DOCK11: variants seen among roughly 807,000 people sequenced by gnomAD.
The protein encoded by DOCK11 is dedicator of cytokinesis protein 11.
Under a neutral mutation model 169.1 loss-of-function variants are expected in DOCK11, and 70 were observed. The observed-to-expected ratio is 0.41, with a 90% CI of 0.34 to 0.51. DOCK11 has a LOEUF of 0.51. DOCK11 is among the 20% of genes least tolerant of loss of function. The probability of loss-of-function intolerance (pLI) is 0.10; values close to 1 mark genes in which losing one functional copy is unlikely to be tolerated. For synonymous variants in DOCK11, 529 were observed against 541.3 expected (o/e 0.98, Z 0.32); for missense variants, 1,166 against 1,538.8 (o/e 0.76, Z 4.05).
At chrX:118,543,416 T>A (rs2012107153) in intron 3 of DOCK11, 95 bp from the exon 4 acceptor site, 18 of 702,642 alleles carry the variant, frequency 2.6e-5, no homozygotes, top group Non-Finnish European at 3.9e-5. Context: ...CCAAATGGTT[T>A]TAGAAAGCCT....
In DOCK11 at chrX:118,686,050, C is replaced by A; in HGVS notation, c.*243C>A. 3.5e-6 allele frequency: 1 copy of A among 283,015 alleles called. No individual in the cohort carries two copies. The highest frequency in any genetic ancestry group is 6.2e-6 in the Non-Finnish European group (1 of 162,531). The allele number at this position is 283,015 out of a possible 1,213,427, so 23.3% of individuals were successfully genotyped here. A position where few individuals can be genotyped will look rare whatever the true frequency, so the allele number is the denominator to read the frequency against. Reference sequence around the variant, plus strand: ...AATCTATATGCTGAAAAGTAGAGCTCAAAAACAGTAGTTCAATTTGCTTAA... The same window carrying A: ...AATCTATATGCTGAAAAGTAGAGCTAAAAAACAGTAGTTCAATTTGCTTAA... On this transcript the variant is annotated 3_prime_UTR_variant, in exon 53 of 53. Coordinates refer to ENST00000276202, the MANE Select transcript of DOCK11 (RefSeq NM_144658.4).
rs986516018 is a variant in DOCK11, at chrX:118,641,243, A to G, written c.4198A>G (p.Thr1400Ala). The change falls in exon 39 of 53, where the codon ACA becomes GCA. Residue 1400 changes from threonine to alanine, a missense_variant. Coordinates refer to ENST00000276202, the MANE Select transcript of DOCK11 (RefSeq NM_144658.4). ...CCACCAGGCACTTCTTGAAGGCAAT[A>G]CAGCTACTGAAGTTTCCCTAACAGT... ...IFHQALLEGN[T>A]ATEVSLTVLD... 1 of 1,210,910 alleles carries G rather than the reference A, an allele frequency of 8.3e-7. No individual in the cohort carries two copies.
intron 42 of DOCK11, among the ~76,000 whole-genome samples, chrX:118,654,295 A>G (rs1052019071): frequency 4.5e-5 from 5 of 112,171 alleles, no homozygotes; most frequent in African/African-American, 1.6e-4. Flanking sequence ...AAAACGGCAA[A>G]CAAAGATCAC....
chrX:118,639,326 G>C, intron 37 of DOCK11, 109 bp from the exon 38 acceptor site: 1 of 772,757 alleles, frequency 1.3e-6, no homozygotes, highest in Admixed American at 3.3e-5. Context: ...TAATCCTTGA[G>C]TGTACTACTA....
chrX:118,529,125 C>T (rs1278297831), intron 1 of DOCK11, among the ~76,000 whole-genome samples: 14 of 109,306 alleles, frequency 1.3e-4, no homozygotes, highest in Non-Finnish European at 2.3e-4. Flanking sequence ...GGACTACAGG[C>T]GCGTGCCACC....
At chrX:118,532,269 G>A (rs2011610590) in intron 1 of DOCK11, among the ~76,000 whole-genome samples, 1 of 111,535 alleles carries the variant, frequency 9.0e-6, no homozygotes, top group Non-Finnish European at 1.9e-5. Context: ...GTGAGACATG[G>A]GTTTCTAGAG....
At chrX:118,580,596 C>T (rs1163603360) in intron 14 of DOCK11, among the ~76,000 whole-genome samples, 3 of 112,038 alleles carry the variant, frequency 2.7e-5, no homozygotes, top group Admixed American at 1.9e-4. Context: ...GGATTACAGG[C>T]GTGAGCTACT....
intron 1 of DOCK11, among the ~76,000 whole-genome samples, chrX:118,528,885 G>C (rs2011443353): frequency 9.1e-6 from 1 of 110,478 alleles, no homozygotes; most frequent in African/African-American, 3.3e-5. Flanking sequence ...GTTTGACAAG[G>C]GGAAAGCTAT....
intron 1 of DOCK11, among the ~76,000 whole-genome samples, chrX:118,514,082 G>A (rs1447762459): frequency 9.0e-6 from 1 of 111,241 alleles, no homozygotes; most frequent in African/African-American, 3.3e-5. Flanking sequence ...TCTGCATGCT[G>A]TTCTGGTGAT....
intron 1 of DOCK11, among the ~76,000 whole-genome samples, chrX:118,509,185 C>A (rs1444332088): frequency 8.9e-6 from 1 of 111,773 alleles, no homozygotes; most frequent in Non-Finnish European, 1.9e-5. Context: ...TTGTTGCTGG[C>A]CTTCCTGAGG....
intron 1 of DOCK11, among the ~76,000 whole-genome samples, chrX:118,511,826 C>G (rs1277336566): frequency 8.9e-6 from 1 of 112,069 alleles, no homozygotes; most frequent in Non-Finnish European, 1.9e-5. Context: ...AGACAGATAC[C>G]GTCGTTCAGT....
chrX:118,540,232 A>C (rs184523389), intron 1 of DOCK11, among the ~76,000 whole-genome samples: 1 of 110,925 alleles, frequency 9.0e-6, no homozygotes, highest in Non-Finnish European at 1.9e-5. Flanking sequence ...TGCAATCTGT[A>C]CTAGGAAAAT....
At chrX:118,507,793 G>A (rs748029452) in intron 1 of DOCK11, among the ~76,000 whole-genome samples, 2 of 111,950 alleles carry the variant, frequency 1.8e-5, no homozygotes, top group Non-Finnish European at 3.8e-5. Flanking sequence ...TCTTCTGTAA[G>A]TGGGGAAACA....
chrX:118,676,147 C>T (rs983675746), intron 47 of DOCK11, 98 bp downstream of exon 47: 4 of 524,719 alleles, frequency 7.6e-6, no homozygotes, highest in African/African-American at 7.3e-5. Flanking sequence ...GATAGAGTGC[C>T]TATTACAACA....
Position 118,566,140 on chromosome X carries a change from A to T in DOCK11, c.829A>T (p.Ser277Cys). The change falls in exon 8 of 53, where the codon AGT becomes TGT. Residue 277 changes from serine to cysteine, a missense_variant. By Grantham distance (112) the Ser-to-Cys change is moderately radical. Coordinates refer to ENST00000276202, the MANE Select transcript of DOCK11 (RefSeq NM_144658.4). ...AAAGATTATTCAGATCAACACCGACAGTTTAGTTCAAGAAAAAAAGGAGAC... is the reference window on the plus strand; with the variant it reads ...AAAGATTATTCAGATCAACACCGACTGTTTAGTTCAAGAAAAAAAGGAGAC... ...LKKIIQINTD[S>C]LVQEKKETVE... 1 of 1,206,033 alleles carries T rather than the reference A, an allele frequency of 8.3e-7. No homozygotes were observed. The highest frequency in any genetic ancestry group is 1.1e-6 in the Non-Finnish European group (1 of 893,661).
chrX:118,525,852 C>G (rs1937175), intron 1 of DOCK11, among the ~76,000 whole-genome samples: 1,951 of 111,332 alleles, frequency 0.018, 57 homozygotes, highest in African/African-American at 0.061. Flanking sequence ...CGTAACACCT[C>G]CATTTGGAAT....
intron 1 of DOCK11, among the ~76,000 whole-genome samples, chrX:118,516,004 AATAT>A (rs1191968312): frequency 2.2e-5 from 1 of 44,954 alleles, no homozygotes; most frequent in African/African-American, 1.2e-4. Flanking sequence ...GATTTGGGCA[AATAT>A]ATATATATAT....
chrX:118,496,467 G>A (rs1603011522), intron 1 of DOCK11, among the ~76,000 whole-genome samples: 1 of 112,764 alleles, frequency 8.9e-6, no homozygotes, highest in African/African-American at 3.2e-5. Flanking sequence ...CCCCTCCCGC[G>A]AGCACCTGAG....
Position 118,662,675 on chromosome X carries a change from T to A in DOCK11, c.4970-11T>A, listed in dbSNP as rs757071871. ...CATAAATTCACTCCACTGTTTTTTT[T>A]ATTCACACAGAATTATTTCCTAACG... is the stretch of plus-strand genomic sequence containing the variant. On this transcript the variant is annotated splice_polypyrimidine_tract_variant and intron_variant, in intron 44 of 52. Coordinates refer to ENST00000276202, the MANE Select transcript of DOCK11 (RefSeq NM_144658.4). The A allele has an allele frequency of 1.1e-5, 12 of 1,066,166 alleles. No individual in the cohort carries two copies. Among genetic ancestry groups the A allele is most frequent in the Non-Finnish European group, 1.4e-5 (11 of 766,516 alleles). 87.9% of individuals were successfully genotyped at this position (1,066,166 alleles called of 1,213,427 possible).
Sources: gnomAD v4.1 joint callset for allele counts (sites outside exome capture counted in the v4.1 genomes callset) on GRCh38, gnomAD v4.1.1 for gene constraint, MANE v1.5 for transcripts, NCBI Gene and HGNC (gene_info 2026-07-23, HGNC 2026-07-21) for gene names.